QTRT2: variants seen among roughly 807,000 people sequenced by gnomAD.
The protein encoded by QTRT2 is queuine tRNA-ribosyltransferase accessory subunit 2, also known as queuine tRNA-ribosyltransferase domain containing 1.
Under a neutral mutation model 44.8 loss-of-function variants are expected in QTRT2, and 32 were observed. The ratio of observed to expected loss-of-function variants is 0.71; its 90% CI spans 0.54 to 0.96. The LOEUF (loss-of-function observed/expected upper bound fraction) is 0.96, where lower values mean the gene tolerates loss of function less well. QTRT2 is among the 40% of genes least tolerant of loss of function. QTRT2 has a pLI of 0.00. For synonymous variants in QTRT2, 182 were observed against 187.4 expected (o/e 0.97, Z 0.24); for missense variants, 461 against 503.1 (o/e 0.92, Z 0.80).
chr3:114,077,725 T>TG (rs1315704201), intron 7 of QTRT2: 2 of 151,270 alleles, frequency 1.3e-5, no homozygotes, highest in East Asian at 3.9e-4. Context: ...TTTTTTTTTT[T>TG]TTTTTGAGAC....
At chr3:114,077,782 T>G (rs897741217) in intron 7 of QTRT2, 4 of 151,428 alleles carry the variant, frequency 2.6e-5, no homozygotes, top group Admixed American at 2.6e-4. Context: ...GGCATGATCT[T>G]GGCTCACTGC....
At chr3:114,081,847 A>G (rs574206017) in intron 8 of QTRT2, among the ~76,000 whole-genome samples, 1 of 152,316 alleles carries the variant, frequency 6.6e-6, no homozygotes, top group African/African-American at 2.4e-5. Flanking sequence ...TGACCTTGAT[A>G]AAATTACCCT....
intron 8 of QTRT2, among the ~76,000 whole-genome samples, chr3:114,080,275 G>GA (rs769498661): frequency 3.3e-5 from 5 of 152,154 alleles, no homozygotes; most frequent in Non-Finnish European, 1.5e-5. Flanking sequence ...ATTTTATAGT[G>GA]AAAAGAACCA....
At chr3:114,058,305 C>T (rs887040814) in intron 2 of QTRT2, among the ~76,000 whole-genome samples, 1 of 151,916 alleles carries the variant, frequency 6.6e-6, no homozygotes, top group East Asian at 1.9e-4. Context: ...TCCTTTCTTG[C>T]CTTTTATTAG....
chr3:114,064,056 A>C (rs77805504), intron 2 of QTRT2, among the ~76,000 whole-genome samples: 4,774 of 152,092 alleles, frequency 0.031, 268 homozygotes, highest in African/African-American at 0.11. Flanking sequence ...TTCTACTACA[A>C]ATACAAAAGT....
rs1234662637 is a variant in QTRT2, at chr3:114,086,203, A to G, written c.*299A>G. On this transcript the variant is annotated 3_prime_UTR_variant, in exon 10 of 10. Transcript: ENST00000281273. The stretch of plus-strand genomic sequence containing the variant: ...AGACAAAAGCTTTAACTGTGAGGGC[A>G]CAGCCTTGAAGTGGGAGTGATGAGA... 1.4e-5 allele frequency: 5 copies of G among 353,986 alleles called. No individual in the cohort carries two copies. The highest frequency in any genetic ancestry group is 2.2e-5 in the Non-Finnish European group (4 of 184,226). The allele number at this position is 353,986 out of a possible 1,614,324, so 21.9% of individuals were successfully genotyped here.
chr3:114,080,754 C>G (rs2077156532), intron 8 of QTRT2, among the ~76,000 whole-genome samples: 1 of 152,100 alleles, frequency 6.6e-6, no homozygotes, highest in South Asian at 2.1e-4. Context: ...TCCTGCTGTC[C>G]TTGGAACTTT....
intron 5 of QTRT2, among the ~76,000 whole-genome samples, chr3:114,068,763 T>C (rs2076986295): frequency 6.6e-6 from 1 of 152,174 alleles, no homozygotes; most frequent in African/African-American, 2.4e-5. Flanking sequence ...GAGAAAATAC[T>C]TTGGCTGGGT....
chr3:114,073,001 C>T (rs2077044302), intron 6 of QTRT2, among the ~76,000 whole-genome samples: 1 of 152,106 alleles, frequency 6.6e-6, no homozygotes, highest in African/African-American at 2.4e-5. Context: ...ATGGCAAGCG[C>T]ATTGAGTTTG....
At chr3:114,058,915 T>A (rs1252003639) in intron 2 of QTRT2, among the ~76,000 whole-genome samples, 1 of 152,240 alleles carries the variant, frequency 6.6e-6, no homozygotes, top group Admixed American at 6.5e-5. Context: ...TTTCTATGCA[T>A]ATACTATGAT....
chr3:114,059,571 A>G (rs1011319884), intron 2 of QTRT2, among the ~76,000 whole-genome samples: 2 of 152,156 alleles, frequency 1.3e-5, no homozygotes, highest in Non-Finnish European at 1.5e-5. Context: ...ATGAATGAAG[A>G]AAGGAAGACT....
Position 114,085,725 on chromosome 3 carries a change from A to C in QTRT2, c.1069A>C (p.Lys357Gln), listed in dbSNP as rs752948330. ...GAGAGGATGTTCCTGTTACTGCTGT[A>C]AGAATCACACTCGGGCATACATCCA... ...LVRGCSCYCCKNHTRAYIHHL... is the reference protein window; with the variant it reads ...LVRGCSCYCCQNHTRAYIHHL... Residue 357 changes from lysine to glutamine, a missense_variant, in exon 10 of 10, where the codon AAG becomes CAG. By Grantham distance (53) the Lys-to-Gln change is moderately conservative. Coordinates refer to ENST00000281273, the MANE Select transcript of QTRT2 (RefSeq NM_024638.4). 1.3e-5 allele frequency: 21 copies of C among 1,614,168 alleles called. No homozygotes were observed. The East Asian group carries it at 4.5e-4, about 34-fold the overall frequency.
At chr3:114,057,413 C>T (rs1252643680) in intron 2 of QTRT2, 1 of 152,198 alleles carries the variant, frequency 6.6e-6, no homozygotes, top group African/African-American at 2.4e-5. Flanking sequence ...AAAATGGGGA[C>T]GATAATACCT....
intron 2 of QTRT2, among the ~76,000 whole-genome samples, chr3:114,060,513 T>TAGATAGAA (rs2076869034): frequency 1.1e-5 from 1 of 87,944 alleles, no homozygotes; most frequent in African/African-American, 3.3e-5. Context: ...GATAGATAGA[T>TAGATAGAA]AGATAGATAG....
At chr3:114,062,655 T>C (rs2076903833) in intron 2 of QTRT2, among the ~76,000 whole-genome samples, 1 of 152,186 alleles carries the variant, frequency 6.6e-6, no homozygotes, top group Non-Finnish European at 1.5e-5. Flanking sequence ...TACCTGGAAT[T>C]CAGTTAACAC....
intron 7 of QTRT2, chr3:114,079,688 A>G: frequency 2.4e-6 from 1 of 418,234 alleles, no homozygotes; most frequent in South Asian, 2.7e-5. Flanking sequence ...GACACAGCAG[A>G]TACATAAATG....
chr3:114,057,693 T>C (rs1330898984), intron 2 of QTRT2: 1 of 152,236 alleles, frequency 6.6e-6, no homozygotes, highest in Non-Finnish European at 1.5e-5. Context: ...GAAAGACGTC[T>C]AATGTTTATT....
At chr3:114,076,638 G>T (rs751808946) in intron 6 of QTRT2, 105 bp from the exon 7 acceptor site, 19 of 1,021,662 alleles carry the variant, frequency 1.9e-5, no homozygotes, top group Non-Finnish European at 2.7e-5. Context: ...AACTACAGCA[G>T]CTTCACTGAG....
At chr3:114,066,865 C>T (rs1180148467) in intron 4 of QTRT2, among the ~76,000 whole-genome samples, 1 of 152,144 alleles carries the variant, frequency 6.6e-6, no homozygotes. Context: ...CTCAAACATG[C>T]AGGGGAGGAT....
Sources: gnomAD v4.1 joint callset for allele counts (sites outside exome capture counted in the v4.1 genomes callset) on GRCh38, gnomAD v4.1.1 for gene constraint, MANE v1.5 for transcripts, NCBI Gene and HGNC (gene_info 2026-07-23, HGNC 2026-07-21) for gene names.